Variants in BRINP3 observed in about 807,000 individuals in gnomAD.
BRINP3 encodes the protein BMP/retinoic acid inducible neural specific 3.
Under a neutral mutation model 71.0 loss-of-function variants are expected in BRINP3, and 19 were observed. That is an observed-to-expected ratio of 0.27 (90% confidence interval 0.19 to 0.39). The LOEUF is 0.39. Among genes scored for constraint, BRINP3 ranks in the 10% least tolerant of loss-of-function variants. The pLI is 1.00. For missense variants in BRINP3, 959 were observed against 940.8 expected (o/e 1.02, Z -0.25); for synonymous variants, 380 against 337.7 (o/e 1.13, Z -1.37).
chr1:190,329,447 A>T (rs4845236), intron 2 of BRINP3, among the ~76,000 whole-genome samples: 1 of 150,584 alleles, frequency 6.6e-6, no homozygotes, highest in Non-Finnish European at 1.5e-5. Context: ...CACACACACA[A>T]AAAAAAAATA....
chr1:190,371,441 C>T (rs1451936168), intron 2 of BRINP3, among the ~76,000 whole-genome samples: 2 of 152,162 alleles, frequency 1.3e-5, no homozygotes, highest in Non-Finnish European at 2.9e-5. Flanking sequence ...GTCCTTTCCC[C>T]ATTATATGTT....
At chr1:190,110,085 A>G (rs1165806925) in intron 7 of BRINP3, among the ~76,000 whole-genome samples, 1 of 152,222 alleles carries the variant, frequency 6.6e-6, no homozygotes. Flanking sequence ...TACAATAAAG[A>G]GAACTCACTA....
chr1:190,123,824 G>A lies in BRINP3; in HGVS notation c.1185-24690C>T, dbSNP rs567295990. The stretch of plus-strand genomic sequence containing the variant: ...GAAATCTGTATTTTGCTGTCCATTG[G>A]TAAGCGCTCTCTTTTAATTGTTAGC... On this transcript the variant is annotated intron_variant, in intron 7 of 7. Transcript: ENST00000367462. 2.0e-5 allele frequency among the ~76,000 whole-genome samples: 3 copies of A among 152,104 alleles called. No individual in the cohort carries two copies. The East Asian group carries it at 5.8e-4, about 29-fold the overall frequency.
intron 2 of BRINP3, among the ~76,000 whole-genome samples, chr1:190,443,404 CAAAA>C (rs560504461): frequency 2.7e-5 from 2 of 73,590 alleles, no homozygotes. Flanking sequence ...GACTCCGTCT[CAAAA>C]AAAAAAAAAA....
At chr1:190,178,031 GAT>G (rs921613053) in intron 6 of BRINP3, among the ~76,000 whole-genome samples, 2 of 152,076 alleles carry the variant, frequency 1.3e-5, no homozygotes, top group Non-Finnish European at 2.9e-5. Flanking sequence ...ATTTGTGTCA[GAT>G]ATATGCAAAT....
intron 6 of BRINP3, among the ~76,000 whole-genome samples, chr1:190,202,420 A>C (rs1490211274): frequency 6.6e-6 from 1 of 152,106 alleles, no homozygotes; most frequent in Non-Finnish European, 1.5e-5. Context: ...CTTGAATGAG[A>C]CTTCGTATTG....
intron 2 of BRINP3, among the ~76,000 whole-genome samples, chr1:190,311,085 T>G (rs1474447965): frequency 6.6e-6 from 1 of 151,746 alleles, no homozygotes; most frequent in Non-Finnish European, 1.5e-5. Flanking sequence ...ATGTTGTACT[T>G]TCTTTCTGAC....
At chr1:190,417,942 G>T (rs932400293) in intron 2 of BRINP3, among the ~76,000 whole-genome samples, 2 of 152,108 alleles carry the variant, frequency 1.3e-5, no homozygotes, top group Non-Finnish European at 2.9e-5. Flanking sequence ...AAGGCAGCCA[G>T]ATAACACATG....
intron 1 of BRINP3, chr1:190,475,979 G>C (rs1449168587): frequency 2.0e-5 from 3 of 152,630 alleles, no homozygotes; most frequent in Admixed American, 6.5e-5. Flanking sequence ...CAGGCAGGAC[G>C]ACCGGACTGG....
At chr1:190,403,522 T>C (rs1054177550) in intron 2 of BRINP3, among the ~76,000 whole-genome samples, 12 of 152,166 alleles carry the variant, frequency 7.9e-5, no homozygotes, top group South Asian at 2.1e-4. Flanking sequence ...AATAAAGATA[T>C]GGAAGCCAAA....
chr1:190,391,547 A>G (rs1400239821), intron 2 of BRINP3, among the ~76,000 whole-genome samples: 2 of 151,778 alleles, frequency 1.3e-5, no homozygotes, highest in Non-Finnish European at 2.9e-5. Flanking sequence ...TATATTTCCT[A>G]TAGAACAAGA....
intron 2 of BRINP3, among the ~76,000 whole-genome samples, chr1:190,317,042 G>A (rs556574318): frequency 9.9e-5 from 15 of 151,558 alleles, no homozygotes; most frequent in African/African-American, 3.4e-4. Context: ...CATGATGGTG[G>A]GTGCCTATAA....
intron 6 of BRINP3, among the ~76,000 whole-genome samples, chr1:190,185,692 TA>T (rs1653450766): frequency 6.6e-6 from 1 of 152,124 alleles, no homozygotes; most frequent in Admixed American, 6.6e-5. Context: ...TGCCATCTAC[TA>T]GATTATAGTA....
chr1:190,133,620 A>G (rs1350316008), intron 7 of BRINP3, among the ~76,000 whole-genome samples: 1 of 152,108 alleles, frequency 6.6e-6, no homozygotes, highest in African/African-American at 2.4e-5. Context: ...GCAGATAAGA[A>G]TGGATGCATC....
intron 2 of BRINP3, among the ~76,000 whole-genome samples, chr1:190,351,562 A>G (rs1304839014): frequency 6.6e-6 from 1 of 152,130 alleles, no homozygotes. Context: ...CAGGGCAGAG[A>G]AAATTTGAAT....
chr1:190,169,382 C>T (rs577613301), intron 6 of BRINP3, among the ~76,000 whole-genome samples: 22 of 152,240 alleles, frequency 1.4e-4, no homozygotes, highest in African/African-American at 5.1e-4. Context: ...AGCTGCAATG[C>T]TTTTGCTCCT....
intron 4 of BRINP3, among the ~76,000 whole-genome samples, chr1:190,258,877 G>T (rs1660915260): frequency 6.6e-6 from 1 of 152,170 alleles, no homozygotes; most frequent in Non-Finnish European, 1.5e-5. Flanking sequence ...AGTGGTTCAA[G>T]CCTGTAATCT....
intron 2 of BRINP3, among the ~76,000 whole-genome samples, chr1:190,338,994 A>C (rs766805562): frequency 6.7e-6 from 1 of 149,272 alleles, no homozygotes; most frequent in Non-Finnish European, 1.5e-5. Flanking sequence ...AGTATAGCTG[A>C]TTGCAAATGC....
Position 190,195,926 on chromosome 1 carries a change from A to G in BRINP3, c.961+30156T>C, listed in dbSNP as rs149874056. Among the ~76,000 whole-genome samples, 451 of 152,208 alleles carry G rather than the reference A, an allele frequency of 3.0e-3. 3 individuals carry two copies. Among genetic ancestry groups the G allele is most frequent in the African/African-American group, 0.01 (428 of 41,562 alleles). ...TTCTTAAACTCATGTTCAGCTACAC[A>G]TTATCAAAAACCTCATATTTGGCAC... On this transcript the variant is annotated intron_variant, in intron 6 of 7. Coordinates refer to ENST00000367462, the MANE Select transcript of BRINP3 (RefSeq NM_199051.3).
Sources: allele counts gnomAD v4.1 joint callset (sites outside exome capture counted in the v4.1 genomes callset), GRCh38; gene constraint gnomAD v4.1.1; transcripts MANE v1.5; gene names NCBI Gene and HGNC (gene_info 2026-07-23, HGNC 2026-07-21).